The following DCC variants were observed in gnomAD, a reference collection of about 807,000 sequenced individuals.
DCC encodes DCC netrin 1 receptor.
Under a neutral mutation model 172.5 loss-of-function variants are expected in DCC, and 58 were observed. The ratio of observed to expected loss-of-function variants is 0.34; its 90% CI spans 0.27 to 0.42. The LOEUF (loss-of-function observed/expected upper bound fraction) is 0.42. Among genes scored for constraint, DCC ranks in the 10% least tolerant of loss-of-function variants. The pLI is 1.00. For synonymous variants in DCC, 709 were observed against 644.5 expected, an observed-to-expected ratio of 1.10 and a Z score of -1.52; for missense variants, 1,740 against 1,791.0, an observed-to-expected ratio of 0.97 and a Z score of 0.51.
intron 12 of DCC, among the ~76,000 whole-genome samples, chr18:53,240,830 G>C (rs188451597): frequency 1.3e-5 from 2 of 152,284 alleles, no homozygotes; most frequent in African/African-American, 4.8e-5. Flanking sequence ...TTTTTAAAAA[G>C]ATTGCATTTA....
At chr18:53,249,179 TAC>T (rs1279539714) in intron 12 of DCC, among the ~76,000 whole-genome samples, 1 of 152,020 alleles carries the variant, frequency 6.6e-6, no homozygotes, top group Non-Finnish European at 1.5e-5. Context: ...TTTAGGAATT[TAC>T]ACAGTTTGCA....
intron 25 of DCC, among the ~76,000 whole-genome samples, chr18:53,479,054 A>G (rs1026784796): frequency 8.5e-5 from 13 of 152,214 alleles, no homozygotes; most frequent in Non-Finnish European, 1.6e-4. Context: ...CCAACCAAGA[A>G]TTCTTTCCTA....
chr18:53,128,436 C>T (rs938852119), intron 7 of DCC, among the ~76,000 whole-genome samples: 1 of 152,194 alleles, frequency 6.6e-6, no homozygotes, highest in Admixed American at 6.5e-5. Context: ...TTACTCCTCT[C>T]TCTTTCCTTC....
intron 1 of DCC, among the ~76,000 whole-genome samples, chr18:52,472,129 G>T (rs746129641): frequency 6.6e-6 from 1 of 152,172 alleles, no homozygotes. Flanking sequence ...CTTTGTACAA[G>T]AATGGATTTT....
intron 2 of DCC, among the ~76,000 whole-genome samples, chr18:52,836,244 A>G (rs1220999783): frequency 6.6e-6 from 1 of 152,204 alleles, no homozygotes; most frequent in Non-Finnish European, 1.5e-5. Flanking sequence ...ATAGGGACAT[A>G]GCCAAACCAT....
chr18:53,173,578 A>G (rs1598874435), intron 8 of DCC, among the ~76,000 whole-genome samples: 1 of 152,264 alleles, frequency 6.6e-6, no homozygotes, highest in Middle Eastern at 3.4e-3. Flanking sequence ...AAAAGAGACA[A>G]AGAAGGTCAT....
chr18:52,468,573 G>A (rs955187220), intron 1 of DCC, among the ~76,000 whole-genome samples: 2 of 152,046 alleles, frequency 1.3e-5, no homozygotes, highest in Admixed American at 1.3e-4. Context: ...CAATTTGAAG[G>A]CTTATTAATA....
intron 1 of DCC, among the ~76,000 whole-genome samples, chr18:52,682,036 A>G (rs1378731674): frequency 6.6e-6 from 1 of 152,122 alleles, no homozygotes; most frequent in East Asian, 1.9e-4. Context: ...TTTGCACTAA[A>G]AGCATTTAGC....
intron 1 of DCC, among the ~76,000 whole-genome samples, chr18:52,720,082 C>A (rs541712719): frequency 6.6e-6 from 1 of 152,064 alleles, no homozygotes; most frequent in African/African-American, 2.4e-5. Flanking sequence ...AGGTATGATA[C>A]GGTGGCGCAG....
intron 1 of DCC, among the ~76,000 whole-genome samples, chr18:52,375,529 C>A (rs1300857053): frequency 6.6e-6 from 1 of 152,098 alleles, no homozygotes; most frequent in Non-Finnish European, 1.5e-5. Flanking sequence ...AGGAACAATT[C>A]TTGGCATGCT....
chr18:53,446,222 G>A (rs1210030076), intron 22 of DCC, among the ~76,000 whole-genome samples: 1 of 151,932 alleles, frequency 6.6e-6, no homozygotes, highest in East Asian at 1.9e-4. Flanking sequence ...AGAGTTCAAG[G>A]CTACAGTGAG....
At chr18:53,473,943 G>A (rs1048466518) in intron 25 of DCC, among the ~76,000 whole-genome samples, 1 of 152,064 alleles carries the variant, frequency 6.6e-6, no homozygotes, top group African/African-American at 2.4e-5. Flanking sequence ...CTGAGTTTTT[G>A]TAGGCCTAAA....
intron 5 of DCC, among the ~76,000 whole-genome samples, chr18:52,956,142 TAA>T (rs1047273319): frequency 1.1e-4 from 17 of 152,044 alleles, no homozygotes; most frequent in Admixed American, 2.0e-4. Context: ...CAAAAAAACC[TAA>T]GTCATTTAGG....
chr18:53,018,646 A>G (rs1469961321), intron 5 of DCC, among the ~76,000 whole-genome samples: 1 of 152,172 alleles, frequency 6.6e-6, no homozygotes, highest in Non-Finnish European at 1.5e-5. Flanking sequence ...TATGTTGCAT[A>G]GAATATGGTA....
At chr18:53,027,351 T>C (rs1338435937) in intron 5 of DCC, among the ~76,000 whole-genome samples, 1 of 152,196 alleles carries the variant, frequency 6.6e-6, no homozygotes, top group Non-Finnish European at 1.5e-5. Flanking sequence ...ATGAGAGATA[T>C]TGTAGAGGCA....
intron 1 of DCC, among the ~76,000 whole-genome samples, chr18:52,401,444 G>A (rs1000671623): frequency 2.6e-5 from 4 of 151,920 alleles, no homozygotes; most frequent in Admixed American, 1.3e-4. Context: ...ATTTACTGAC[G>A]CTGAAGCAAA....
chr18:53,028,775 T>G (rs772195862), intron 5 of DCC, among the ~76,000 whole-genome samples: 25 of 152,122 alleles, frequency 1.6e-4, no homozygotes, highest in Non-Finnish European at 7.4e-5. Flanking sequence ...ACCCAACCAG[T>G]GTTACTGCAG....
At chr18:52,415,694 G>A (rs1382577593) in intron 1 of DCC, among the ~76,000 whole-genome samples, 2 of 152,156 alleles carry the variant, frequency 1.3e-5, no homozygotes, top group African/African-American at 4.8e-5. Flanking sequence ...TGAACTGGCA[G>A]TGGGGAACAG....
intron 1 of DCC, among the ~76,000 whole-genome samples, chr18:52,561,797 A>C (rs554043678): frequency 6.6e-6 from 1 of 152,308 alleles, no homozygotes; most frequent in Admixed American, 6.5e-5. Flanking sequence ...AAATTGAAAA[A>C]TGCTATACGC....
Sources: allele counts gnomAD v4.1 joint callset (sites outside exome capture counted in the v4.1 genomes callset), GRCh38; gene constraint gnomAD v4.1.1; transcripts MANE v1.5; gene names NCBI Gene and HGNC (gene_info 2026-07-23, HGNC 2026-07-21).